RLF: variants seen among roughly 807,000 people sequenced by gnomAD.
RLF encodes zinc finger protein Rlf.
RLF carries 7 observed loss-of-function variants against 162.9 expected under a neutral mutation model. That is an observed-to-expected ratio of 0.04 (90% CI 0.02 to 0.08). The LOEUF is 0.08. Among genes scored for constraint, RLF ranks in the 10% least tolerant of loss-of-function variants. The pLI, the probability that RLF is intolerant of heterozygous loss-of-function variation, is 1.00. For missense variants in RLF, 1,664 were observed against 2,244.7 expected, an observed-to-expected ratio of 0.74 and a Z score of 5.23; for synonymous variants, 782 against 791.5, an observed-to-expected ratio of 0.99 and a Z score of 0.20.
chr1:40,187,593 A>C (rs1219648438), intron 1 of RLF, among the ~76,000 whole-genome samples: 3 of 152,140 alleles, frequency 2.0e-5, no homozygotes, highest in Admixed American at 6.6e-5. Context: ...AAATAGCTCA[A>C]CTGACTGTAA....
intron 7 of RLF, among the ~76,000 whole-genome samples, chr1:40,232,685 A>G (rs1643167627): frequency 6.6e-6 from 1 of 152,148 alleles, no homozygotes; most frequent in African/African-American, 2.4e-5. Flanking sequence ...TTGAAACCTG[A>G]CATCCTCCAT....
At chr1:40,225,563 A>AGC (rs1165056919) in intron 6 of RLF, among the ~76,000 whole-genome samples, 2 of 129,578 alleles carry the variant, frequency 1.5e-5, no homozygotes, top group Non-Finnish European at 3.1e-5. Flanking sequence ...TGGGTGACAG[A>AGC]GCAAGACTCT....
At chr1:40,191,757 A>T (rs1240681356) in intron 3 of RLF, among the ~76,000 whole-genome samples, 1 of 152,180 alleles carries the variant, frequency 6.6e-6, no homozygotes, top group East Asian at 1.9e-4. Flanking sequence ...GCAGTCATTC[A>T]TTTATTGATC....
intron 3 of RLF, among the ~76,000 whole-genome samples, chr1:40,191,401 G>C (rs999452081): frequency 5.9e-5 from 9 of 152,106 alleles, no homozygotes; most frequent in Admixed American, 5.2e-4. Flanking sequence ...AGCCGGGCAT[G>C]GTGGCGGACA....
At chr1:40,230,292 G>T (rs532643022) in intron 6 of RLF, among the ~76,000 whole-genome samples, 1 of 152,224 alleles carries the variant, frequency 6.6e-6, no homozygotes, top group African/African-American at 2.4e-5. Flanking sequence ...AGCAATATAG[G>T]ATATCAGTGT....
intron 6 of RLF, 95 bp from the exon 7 acceptor site, chr1:40,231,422 T>C (rs1437319843): frequency 1.5e-5 from 16 of 1,045,102 alleles, no homozygotes; most frequent in Non-Finnish European, 1.4e-6. Context: ...TTCTCTACTG[T>C]CAGCTTTCTA....
chr1:40,216,454 C>G (rs557385147), intron 5 of RLF, among the ~76,000 whole-genome samples: 1 of 150,702 alleles, frequency 6.6e-6, no homozygotes, highest in East Asian at 2.0e-4. Flanking sequence ...TGCCATTGCA[C>G]TCCAGCTTGG....
chr1:40,189,040 A>T lies in RLF; in HGVS notation c.238-15A>T, dbSNP rs980502292. The T allele has an allele frequency of 6.8e-7, 1 of 1,474,652 alleles. No homozygotes were observed. Among genetic ancestry groups the T allele is most frequent in the Non-Finnish European group, 9.2e-7 (1 of 1,089,514 alleles). The allele number at this position is 1,474,652 out of a possible 1,614,324, so 91.3% of individuals were successfully genotyped here. ...TTATTTTTATTTGTAAATAATTTTTAATTTTATTTTGTAGACCTTATTGCA... is the reference window on the plus strand; with the variant it reads ...TTATTTTTATTTGTAAATAATTTTTTATTTTATTTTGTAGACCTTATTGCA... On this transcript the variant is annotated splice_polypyrimidine_tract_variant and intron_variant, in intron 1 of 7. Coordinates refer to ENST00000372771, the MANE Select transcript of RLF (RefSeq NM_012421.4).
chr1:40,165,094 A>G (rs1181207681), intron 1 of RLF, among the ~76,000 whole-genome samples: 1 of 150,942 alleles, frequency 6.6e-6, no homozygotes, highest in Non-Finnish European at 1.5e-5. Context: ...TGTTGTAAGG[A>G]CTTAATAAGA....
Position 40,236,527 on chromosome 1 carries a change from C to A in RLF, c.1825C>A (p.Pro609Thr). 1.9e-6 allele frequency: 3 copies of A among 1,613,806 alleles called. No homozygotes were observed. Among genetic ancestry groups the A allele is most frequent in the Non-Finnish European group, 2.5e-6 (3 of 1,179,954 alleles). Residue 609 changes from proline to threonine, a missense_variant, in exon 8 of 8, where the codon CCA becomes ACA. This residue lies in a region of RLF where 31 missense variants were observed against 80.5 expected (regional missense o/e 0.39). Transcript: ENST00000372771. This position sits in a 1 kb window ranked among gnomAD's most constrained non-coding sequence, Gnocchi z 7.7. ...PHVMEHVKMP[P>T]SRRDRSKKKL... ...TGTGATGGAGCATGTTAAAATGCCA[C>A]CAAGCAGAAGGGACCGCTCTAAAAA...
At chr1:40,188,422 T>G (rs1054095325) in intron 1 of RLF, among the ~76,000 whole-genome samples, 12 of 152,200 alleles carry the variant, frequency 7.9e-5, no homozygotes, top group Admixed American at 3.3e-4. Context: ...AAGAGGACTA[T>G]TCCCCCCATT....
At chr1:40,235,741 T>G in intron 7 of RLF, 51 bp from the exon 8 acceptor site, 1 of 1,344,012 alleles carries the variant, frequency 7.4e-7, no homozygotes, top group Non-Finnish European at 1.0e-6. Context: ...GAAAGTTATA[T>G]AATCTTTCTG....
At chr1:40,165,435 C>T (rs917294600) in intron 1 of RLF, among the ~76,000 whole-genome samples, 8 of 152,124 alleles carry the variant, frequency 5.3e-5, no homozygotes, top group Non-Finnish European at 8.8e-5. Flanking sequence ...GATCTCAGGC[C>T]GTGTCTTTCC....
intron 4 of RLF, among the ~76,000 whole-genome samples, chr1:40,199,441 A>G (rs1642681068): frequency 6.6e-6 from 1 of 152,222 alleles, no homozygotes; most frequent in South Asian, 2.1e-4. Context: ...TTGTTCATCC[A>G]TGTGAGATGG....
chr1:40,240,439 A>G lies in RLF; in HGVS notation c.5737A>G (p.Ser1913Gly). The G allele has an allele frequency of 6.2e-7, 1 of 1,608,170 alleles. No individual in the cohort carries two copies. Among genetic ancestry groups the G allele is most frequent in the Non-Finnish European group, 8.5e-7 (1 of 1,176,954 alleles). The change falls in exon 8 of 8, where the codon AGT (serine) becomes GGT (glycine). Residue 1913 changes from serine to glycine, a missense_variant. Physicochemically the swap from Ser to Gly is moderately conservative, Grantham distance 56. Around this residue, in one of 15 missense-constraint regions of RLF, gnomAD observed 27 missense variants for 52.5 expected, o/e 0.51. Coordinates refer to ENST00000372771, the MANE Select transcript of RLF (RefSeq NM_012421.4). ...AAAGACAGATGAGCTTTGTGTAGGAAGTTCATAAGTAGCAATTTTGTTTTA... is the reference window on the plus strand; with the variant it reads ...AAAGACAGATGAGCTTTGTGTAGGAGGTTCATAAGTAGCAATTTTGTTTTA... ...TKKTDELCVG[S>G]S
intron 5 of RLF, among the ~76,000 whole-genome samples, chr1:40,203,040 T>C (rs1052707850): frequency 1.3e-5 from 2 of 151,852 alleles, no homozygotes; most frequent in Non-Finnish European, 2.9e-5. Context: ...TATAGGACTC[T>C]AGATTCCATG....
At chr1:40,163,188 T>C (rs866742289) in intron 1 of RLF, among the ~76,000 whole-genome samples, 1 of 152,214 alleles carries the variant, frequency 6.6e-6, no homozygotes, top group African/African-American at 2.4e-5. Flanking sequence ...GAGGCCACTT[T>C]AGTTAGTAAG....
Position 40,236,560 on chromosome 1 carries a change from C to T in RLF, c.1858C>T (p.Leu620=). The change falls in exon 8 of 8, where the codon CTG becomes TTG. Residue 620 remains leucine, a synonymous_variant. Transcript: ENST00000372771. This position sits in a 1 kb window ranked among gnomAD's most constrained non-coding sequence, Gnocchi z 7.7. ...SRRDRSKKKL[L]LKGSQKGICP... ...AAGGGACCGCTCTAAAAAGAAATTACTGTTAAAAGGCTCTCAAAAGGGTAT... is the reference window on the plus strand; with the variant it reads ...AAGGGACCGCTCTAAAAAGAAATTATTGTTAAAAGGCTCTCAAAAGGGTAT... The T allele has an allele frequency of 6.2e-7, 1 of 1,614,072 alleles. No individual in the cohort carries two copies. The highest frequency in any genetic ancestry group is 8.5e-7 in the Non-Finnish European group (1 of 1,179,992).
intron 1 of RLF, among the ~76,000 whole-genome samples, chr1:40,172,136 C>G (rs538342576): frequency 6.6e-6 from 1 of 152,238 alleles, no homozygotes; most frequent in South Asian, 2.1e-4. Context: ...ACCTTCAACA[C>G]TCTTAACTAA....
Sources: gnomAD v4.1 joint callset for allele counts (sites outside exome capture counted in the v4.1 genomes callset) on GRCh38, gnomAD v4.1.1 for gene constraint, gnomAD v4.1.1 regional missense constraint, Gnocchi (gnomAD v3.1) non-coding constraint, MANE v1.5 for transcripts, NCBI Gene and HGNC (gene_info 2026-07-23, HGNC 2026-07-21) for gene names.